ELL: variants seen among roughly 807,000 people sequenced by gnomAD.
The protein encoded by ELL is RNA polymerase II elongation factor ELL.
In ELL, 18 loss-of-function variants were observed where a neutral mutation model predicts 64.0. That is an observed-to-expected ratio of 0.28 (90% CI 0.19 to 0.42). ELL has a LOEUF of 0.42. Among genes scored for constraint, ELL ranks in the 10% least tolerant of loss-of-function variants. The pLI, the probability that ELL is intolerant of heterozygous loss-of-function variation, is 1.00. For missense variants in ELL, 797 were observed against 870.4 expected (o/e 0.92, Z 1.06); for synonymous variants, 399 against 376.2 (o/e 1.06, Z -0.70).
intron 1 of ELL, among the ~76,000 whole-genome samples, chr19:18,473,716 C>G (rs1175590453): frequency 6.6e-6 from 1 of 152,230 alleles, no homozygotes; most frequent in Non-Finnish European, 1.5e-5. Context: ...TCTTCCCAAC[C>G]TGGGGCCCTA....
chr19:18,470,421 A>T (rs1975041248), intron 2 of ELL, among the ~76,000 whole-genome samples: 1 of 152,210 alleles, frequency 6.6e-6, no homozygotes, highest in African/African-American at 2.4e-5. Context: ...CTGCTGTAGG[A>T]CACCAGAGGG....
At chr19:18,451,401 T>C (rs1376969841) in intron 7 of ELL, 151 bp downstream of exon 7, 56 of 718,146 alleles carry the variant, frequency 7.8e-5, no homozygotes, top group Non-Finnish European at 1.1e-4. Context: ...ACCCGACAGC[T>C]TCCCCCTTGG....
In ELL at chr19:18,446,901, C is replaced by T. The variant is rs774416798; in HGVS notation, c.1466-87G>A. On this transcript the variant is annotated intron_variant, in intron 8 of 11. Coordinates refer to ENST00000262809, the MANE Select transcript of ELL (RefSeq NM_006532.4). ...GCCAGGATGGGGACATGCATGAAAA[C>T]TGTACACTTTGCTGCTGGAGGGACA... The T allele has an allele frequency of 3.7e-5, 52 of 1,405,998 alleles. 2 individuals carry two copies. The Admixed American group carries it at 4.0e-4, about 11-fold the overall frequency. The allele number at this position is 1,405,998 out of a possible 1,614,324, so 87.1% of individuals were successfully genotyped here. A position where few individuals can be genotyped will look rare whatever the true frequency, so the allele number is the denominator to read the frequency against.
rs758234072 is a variant in ELL, at chr19:18,458,340, G to C, written c.745-11C>G. 1.2e-6 allele frequency: 2 copies of C among 1,606,202 alleles called. No homozygotes were observed. The highest frequency in any genetic ancestry group is 2.2e-5 in the South Asian group (2 of 90,782). ...ACTCATGTTGGCCACCTGCAAGACA[G>C]AGCCAGCCATCACTTTGTGGGAATC... On this transcript the variant is annotated splice_polypyrimidine_tract_variant and intron_variant, in intron 5 of 11. Transcript: ENST00000262809.
Position 18,442,863 on chromosome 19 carries a change from A to G in ELL, c.*1889T>C, listed in dbSNP as rs545516421. 5.2e-6 allele frequency: 1 copy of G among 193,628 alleles called. No individual in the cohort carries two copies. Among genetic ancestry groups the G allele is most frequent in the African/African-American group, 3.9e-5 (1 of 25,768 alleles). The allele number at this position is 193,628 out of a possible 1,614,324, so 12.0% of individuals were successfully genotyped here. The stretch of plus-strand genomic sequence containing the variant: ...GCTCAAAATAGTTTTTCTCCACAGT[A>G]CAACATTAAAAGAAAAAAAAATAGT... On this transcript the variant is annotated 3_prime_UTR_variant, in exon 12 of 12. Transcript: ENST00000262809.
At chr19:18,461,537 G>A (rs758143923) in intron 5 of ELL, 41 bp downstream of exon 5, 30 of 1,561,376 alleles carry the variant, frequency 1.9e-5, no homozygotes, top group Admixed American at 1.0e-4. Flanking sequence ...GACCATCTGC[G>A]GAGACCACTG....
intron 2 of ELL, among the ~76,000 whole-genome samples, chr19:18,466,402 C>A (rs377289991): frequency 1.3e-5 from 2 of 152,230 alleles, no homozygotes; most frequent in East Asian, 1.9e-4. Flanking sequence ...AGCATCCCCC[C>A]ACAAAGGACA....
At chr19:18,507,408 A>C (rs1396035247) in intron 1 of ELL, among the ~76,000 whole-genome samples, 1 of 152,242 alleles carries the variant, frequency 6.6e-6, no homozygotes, top group East Asian at 1.9e-4. Flanking sequence ...TCCTCCTCTG[A>C]GTCTTTCAAG....
Position 18,450,652 on chromosome 19 carries a change from C to A in ELL, c.1290G>T (p.Leu430=). 1.3e-6 allele frequency: 2 copies of A among 1,599,110 alleles called. No individual in the cohort carries two copies. Among genetic ancestry groups the A allele is most frequent in the Non-Finnish European group, 1.7e-6 (2 of 1,173,490 alleles). Residue 430 remains leucine, a synonymous_variant, in exon 8 of 12, where the codon CTG becomes CTT. Coordinates refer to ENST00000262809, the MANE Select transcript of ELL (RefSeq NM_006532.4). The part of the protein sequence containing the change: ...APTVRLGLPL[L]TDCAQPSRPH... Reference sequence around the variant, plus strand: ...GCCTGCTGGGCTGGGCACAGTCCGTCAGCAGGGGCAGGCCGAGGCGCACAG... The same window carrying A: ...GCCTGCTGGGCTGGGCACAGTCCGTAAGCAGGGGCAGGCCGAGGCGCACAG...
chr19:18,469,084 G>T (rs1427630977), intron 2 of ELL, among the ~76,000 whole-genome samples: 1 of 152,180 alleles, frequency 6.6e-6, no homozygotes, highest in Admixed American at 6.5e-5. Flanking sequence ...CAGCTGTGGC[G>T]GGGAGTAGGG....
chr19:18,484,458 C>CA (rs1975369835), intron 1 of ELL, among the ~76,000 whole-genome samples: 1 of 152,070 alleles, frequency 6.6e-6, no homozygotes, highest in African/African-American at 2.4e-5. Context: ...GAGTGAGACT[C>CA]AGTCTCAAGA....
intron 1 of ELL, among the ~76,000 whole-genome samples, chr19:18,502,576 A>G (rs1975802697): frequency 6.6e-6 from 1 of 152,238 alleles, no homozygotes; most frequent in Non-Finnish European, 1.5e-5. Context: ...CAAAAGTCCC[A>G]GTAATCCACA....
intron 1 of ELL, among the ~76,000 whole-genome samples, chr19:18,518,113 G>A (rs1169493945): frequency 6.6e-6 from 1 of 151,788 alleles, no homozygotes; most frequent in Non-Finnish European, 1.5e-5. Context: ...CCAGCTATTT[G>A]GGAGGCTGAG....
chr19:18,470,067 A>T (rs1007179827), intron 2 of ELL, among the ~76,000 whole-genome samples: 1 of 152,242 alleles, frequency 6.6e-6, no homozygotes, highest in South Asian at 2.1e-4. Flanking sequence ...CTATAATCCC[A>T]GCACTTTGGG....
At chr19:18,521,837 G>T in intron 1 of ELL, 84 bp downstream of exon 1, 4 of 1,485,260 alleles carry the variant, frequency 2.7e-6, no homozygotes, top group Non-Finnish European at 1.8e-6. Context: ...GCGTCTCCGA[G>T]CCCGGACGCC....
chr19:18,445,101 AGACT>A, intron 11 of ELL, 119 bp downstream of exon 11: 1 of 1,397,968 alleles, frequency 7.2e-7, no homozygotes, highest in Admixed American at 1.7e-5. Context: ...CTTTGGCCTC[AGACT>A]CAAAGGCTCT....
chr19:18,514,826 G>A (rs1377913746), intron 1 of ELL, among the ~76,000 whole-genome samples: 3 of 152,206 alleles, frequency 2.0e-5, no homozygotes, highest in African/African-American at 4.8e-5. Context: ...TGCCCTGCCA[G>A]GTGCCTTAAA....
chr19:18,503,855 G>A (rs149770796), intron 1 of ELL, among the ~76,000 whole-genome samples: 121 of 152,282 alleles, frequency 7.9e-4, no homozygotes, highest in Admixed American at 2.2e-3. Flanking sequence ...CATCACTCCC[G>A]TTCAGAATGC....
At chr19:18,517,994 G>T (rs1976164932) in intron 1 of ELL, among the ~76,000 whole-genome samples, 1 of 151,476 alleles carries the variant, frequency 6.6e-6, no homozygotes, top group Admixed American at 6.6e-5. Flanking sequence ...GCCAAGGGAG[G>T]AGGATCACCT....
Sources: gnomAD v4.1 joint callset for allele counts (sites outside exome capture counted in the v4.1 genomes callset) on GRCh38, gnomAD v4.1.1 for gene constraint, MANE v1.5 for transcripts, NCBI Gene and HGNC (gene_info 2026-07-23, HGNC 2026-07-21) for gene names.